RGPD8: variants seen among roughly 807,000 people sequenced by gnomAD.
RGPD8 encodes the protein RANBP2 like and GRIP domain containing 8.
RGPD8 carries 15 observed loss-of-function variants against 89.1 expected under a neutral mutation model. The ratio of observed to expected loss-of-function variants is 0.17; its 90% CI spans 0.11 to 0.26. The LOEUF is 0.26. RGPD8 is among the 10% of genes least tolerant of loss of function. The probability of loss-of-function intolerance (pLI) is 1.00; values close to 1 mark genes in which losing one functional copy is unlikely to be tolerated. For synonymous variants in RGPD8, 62 were observed against 420.9 expected (o/e 0.15, Z 10.44); for missense variants, 178 against 1,179.6 (o/e 0.15, Z 12.44).
At chr2:112,410,313 AAGAACTATC>A (rs1168183472) in intron 7 of RGPD8, among the ~76,000 whole-genome samples, 2 of 146,814 alleles carry the variant, frequency 1.4e-5, no homozygotes, top group Non-Finnish European at 2.9e-5. Flanking sequence ...AAATAAAAAT[AAGAACTATC>A]AGTTACTTGA....
At chr2:112,415,231 A>G (rs1679341691) in intron 6 of RGPD8, among the ~76,000 whole-genome samples, 1 of 152,166 alleles carries the variant, frequency 6.6e-6, no homozygotes, top group Non-Finnish European at 1.5e-5. Flanking sequence ...AAAATACAAA[A>G]AAAATTAGCC....
chr2:112,411,155 C>G (rs1369559658), intron 7 of RGPD8, among the ~76,000 whole-genome samples: 1 of 152,222 alleles, frequency 6.6e-6, no homozygotes, highest in African/African-American at 2.4e-5. Flanking sequence ...TTTTTCCCTC[C>G]CCAAGCAAAA....
chr2:112,413,217 T>C (rs1574012631), intron 6 of RGPD8, among the ~76,000 whole-genome samples: 1 of 140,704 alleles, frequency 7.1e-6, no homozygotes, highest in Non-Finnish European at 1.5e-5. Context: ...ACCTCCCAGG[T>C]TCAAGTGATT....
At chr2:112,411,363 T>C (rs1461854313) in intron 7 of RGPD8, among the ~76,000 whole-genome samples, 1 of 144,000 alleles carries the variant, frequency 6.9e-6, no homozygotes, top group Non-Finnish European at 1.5e-5. Flanking sequence ...GGTCAGGAGA[T>C]TGAGACCATC....
chr2:112,425,909 G>A (rs866300587), intron 1 of RGPD8, among the ~76,000 whole-genome samples: 4 of 152,056 alleles, frequency 2.6e-5, no homozygotes, highest in Admixed American at 1.3e-4. Flanking sequence ...GCCATCAATC[G>A]AAACATGTTT....
rs747319102 is a variant in RGPD8, at chr2:112,390,210, C to T, written c.2735G>A (p.Gly912Glu). The stretch of plus-strand genomic sequence containing the variant: ...ATCAGCAGACACAGGGATGGAAAAT[C>T]CTTCTTTGGTTGACTTAAATTCTGT... ...SNTEFKSTKE[G>E]FSIPVSADGF... The change falls in exon 20 of 23, where the codon GGA becomes GAA. Residue 912 changes from glycine (G) to glutamate (E), a missense_variant. Coordinates refer to ENST00000302558, the MANE Select transcript of RGPD8 (RefSeq NM_001164463.1). The T allele has an allele frequency of 1.3e-6, 2 of 1,573,108 alleles. No homozygotes were observed. Among genetic ancestry groups the T allele is most frequent in the Admixed American group, 3.5e-5 (2 of 57,860 alleles).
At chr2:112,385,939 T>C (rs1456568751) in intron 20 of RGPD8, among the ~76,000 whole-genome samples, 1 of 152,292 alleles carries the variant, frequency 6.6e-6, no homozygotes, top group Non-Finnish European at 1.5e-5. Flanking sequence ...TTAAATTACA[T>C]ACACAGGTTA....
chr2:112,415,261 T>C (rs1679344588), intron 6 of RGPD8, among the ~76,000 whole-genome samples: 1 of 152,300 alleles, frequency 6.6e-6, no homozygotes, highest in Non-Finnish European at 1.5e-5. Flanking sequence ...GGTGGGCGCC[T>C]GTAGTCCCAG....
intron 1 of RGPD8, chr2:112,432,448 A>G (rs1252028080): frequency 1.0e-6 from 1 of 976,420 alleles, no homozygotes; most frequent in Admixed American, 6.2e-5. Context: ...ACAGCGACAA[A>G]CACCTCATAC....
At chr2:112,409,855 T>C (rs1489405924) in intron 7 of RGPD8, among the ~76,000 whole-genome samples, 1 of 135,106 alleles carries the variant, frequency 7.4e-6, no homozygotes, top group Non-Finnish European at 1.5e-5. Context: ...CTCACACCTA[T>C]AATCCCAGCA....
chr2:112,431,207 G>C (rs1220588030), intron 1 of RGPD8, among the ~76,000 whole-genome samples: 1 of 152,168 alleles, frequency 6.6e-6, no homozygotes, highest in East Asian at 1.9e-4. Context: ...GCAGTGAGTC[G>C]AGATAGTGCC....
rs374472240 is a variant in RGPD8, at chr2:112,431,154, A to C, written c.72+2228T>G. ...ACACCTGTGGTCCCAACTACTCGGG[A>C]GACTGAGGTGGGAGGATCGCTTGAG... is the stretch of plus-strand genomic sequence containing the variant. On this transcript the variant is annotated intron_variant, in intron 1 of 22. Coordinates refer to ENST00000302558, the MANE Select transcript of RGPD8 (RefSeq NM_001164463.1). 2.6e-5 allele frequency among the ~76,000 whole-genome samples: 4 copies of C among 152,294 alleles called. No individual in the cohort carries two copies. In the East Asian group the frequency reaches 5.8e-4, roughly 22 times the overall value.
In RGPD8 at chr2:112,413,159, C is replaced by T. The variant is rs1266180285; in HGVS notation, c.783-533G>A. Among the ~76,000 whole-genome samples the T allele has an allele frequency of 5.5e-5, 8 of 145,594 alleles. 1 individual carries two copies. Among genetic ancestry groups the T allele is most frequent in the African/African-American group, 1.1e-4 (4 of 36,054 alleles). ...TTTTTGAGACGGAGTCTCTCACTAC[C>T]GCCTGGGCTGGAGTGCAATGGCACG... On this transcript the variant is annotated intron_variant, in intron 6 of 22. Coordinates refer to ENST00000302558, the MANE Select transcript of RGPD8 (RefSeq NM_001164463.1).
intron 7 of RGPD8, among the ~76,000 whole-genome samples, chr2:112,411,259 T>A (rs1574010932): frequency 8.3e-6 from 1 of 121,136 alleles, no homozygotes; most frequent in East Asian, 2.4e-4. Context: ...TTATGCAAGC[T>A]CATTAAAAAA....
chr2:112,430,887 G>A (rs1167756982), intron 1 of RGPD8, among the ~76,000 whole-genome samples: 3 of 152,096 alleles, frequency 2.0e-5, no homozygotes, highest in Admixed American at 6.6e-5. Flanking sequence ...AGCCCAGGAC[G>A]TCAACGCTGC....
chr2:112,428,914 T>C (rs1679893347), intron 1 of RGPD8, among the ~76,000 whole-genome samples: 1 of 151,708 alleles, frequency 6.6e-6, no homozygotes, highest in Non-Finnish European at 1.5e-5. Context: ...ACCTGCACAA[T>C]GTGCACATGT....
At chr2:112,432,127 T>C (rs1427633940) in intron 1 of RGPD8, among the ~76,000 whole-genome samples, 1 of 152,222 alleles carries the variant, frequency 6.6e-6, no homozygotes, top group Non-Finnish European at 1.5e-5. Context: ...GCTGTGATTA[T>C]TCAAGCCAAA....
intron 1 of RGPD8, among the ~76,000 whole-genome samples, chr2:112,429,857 G>A (rs545252236): frequency 2.4e-4 from 37 of 152,042 alleles, no homozygotes; most frequent in African/African-American, 8.4e-4. Flanking sequence ...ACACAGGCTG[G>A]AGTGCAGTGG....
At chr2:112,381,851 G>T (rs1678312126) in intron 20 of RGPD8, among the ~76,000 whole-genome samples, 1 of 152,302 alleles carries the variant, frequency 6.6e-6, no homozygotes, top group Admixed American at 6.5e-5. Context: ...TTTTAAAAAA[G>T]ATTTGTTTAA....
Sources: allele counts gnomAD v4.1 joint callset (sites outside exome capture counted in the v4.1 genomes callset), GRCh38; gene constraint gnomAD v4.1.1; transcripts MANE v1.5; gene names NCBI Gene and HGNC (gene_info 2026-07-23, HGNC 2026-07-21).